The following TNK2 variants were observed in gnomAD, a reference collection of about 807,000 sequenced individuals.
TNK2 encodes the protein tyrosine kinase non receptor 2.
Under a neutral mutation model 101.8 loss-of-function variants are expected in TNK2, and 83 were observed. The ratio of observed to expected loss-of-function variants is 0.82; its 90% CI spans 0.68 to 0.98. The LOEUF (loss-of-function observed/expected upper bound fraction) is 0.98, where lower values mean the gene tolerates loss of function less well. TNK2 is among the 50% of genes least tolerant of loss of function. TNK2 has a pLI of 0.00. For missense variants in TNK2, 1,665 were observed against 1,483.2 expected, an observed-to-expected ratio of 1.12 and a Z score of -2.01; for synonymous variants, 804 against 633.0, an observed-to-expected ratio of 1.27 and a Z score of -4.06.
rs1015547963 is a variant in TNK2, at chr3:195,867,433, A to G, written c.2865T>C (p.Thr955=). 6.9e-6 allele frequency: 11 copies of G among 1,599,208 alleles called. No individual in the cohort carries two copies. The highest frequency in any genetic ancestry group is 9.3e-6 in the Non-Finnish European group (11 of 1,177,602). ...PGARPPPPRA[T]ARLPQRGCPG... is the part of the protein sequence containing the mutation. ...GGCAGCCCCTCTGTGGCAGCCGAGC[A>G]GTGGCCCTCGGGGGTGGTGGCCGGG... Residue 955 remains threonine, a synonymous_variant, in exon 13 of 16, where the codon ACT becomes ACC. Coordinates refer to ENST00000672887, the MANE Select transcript of TNK2 (RefSeq NM_001382273.1).
intron 1 of TNK2, among the ~76,000 whole-genome samples, chr3:195,897,564 C>A (rs528255633): frequency 2.0e-5 from 3 of 152,182 alleles, no homozygotes; most frequent in African/African-American, 7.2e-5. Context: ...TGCAGTGGTG[C>A]GATCTTGGCT....
chr3:195,890,195 C>T (rs929295896), intron 1 of TNK2, among the ~76,000 whole-genome samples: 2 of 152,208 alleles, frequency 1.3e-5, no homozygotes, highest in South Asian at 2.1e-4. Context: ...AAAGCTGTAA[C>T]CCTTTACTGG....
chr3:195,884,927 A>AGGGGCCCCTCCCCTGCT lies in TNK2; in HGVS notation c.324_340dup (p.Leu114GlnfsTer46). ...CCCAATGAGGCAGGTGAGGCTCTGC[A>AGGGGCCCCTCCCCTGCT]GGGGCCCCTCCCCTGCTGGGCCCCC... On this transcript the variant is annotated frameshift_variant, in exon 4 of 16. Coordinates refer to ENST00000672887, the MANE Select transcript of TNK2 (RefSeq NM_001382273.1). LOFTEE classifies it high-confidence loss of function. 35 of 1,614,056 alleles carry AGGGGCCCCTCCCCTGCT rather than the reference A, an allele frequency of 2.2e-5. No homozygotes were observed. The highest frequency in any genetic ancestry group is 3.0e-5 in the Non-Finnish European group (35 of 1,179,982).
intron 1 of TNK2, among the ~76,000 whole-genome samples, chr3:195,902,916 A>G (rs1761365027): frequency 6.6e-6 from 1 of 151,610 alleles, no homozygotes; most frequent in African/African-American, 2.4e-5. Context: ...CACCCGGCTA[A>G]TTTTTGTATT....
In TNK2 at chr3:195,888,743, G is replaced by C; in HGVS notation, c.-18-137C>G. On this transcript the variant is annotated intron_variant, in intron 1 of 15. Transcript: ENST00000672887. This position sits in a 1 kb window ranked among gnomAD's most constrained non-coding sequence, Gnocchi z 5.3. Reference sequence around the variant, plus strand: ...CACCACCTTCTGACTCCCGAGGGAAGCTACCGAGAACCGCCTGGACCCACG... The same window carrying C: ...CACCACCTTCTGACTCCCGAGGGAACCTACCGAGAACCGCCTGGACCCACG... The C allele has an allele frequency of 1.2e-6, 1 of 856,992 alleles. No individual in the cohort carries two copies. Among genetic ancestry groups the C allele is most frequent in the Non-Finnish European group, 1.7e-6 (1 of 575,652 alleles). The allele number at this position is 856,992 out of a possible 1,614,324, so 53.1% of individuals were successfully genotyped here. A position where few individuals can be genotyped will look rare whatever the true frequency, so the allele number is the denominator to read the frequency against.
intron 9 of TNK2, among the ~76,000 whole-genome samples, chr3:195,873,702 G>A (rs908765329): frequency 1.3e-5 from 2 of 152,206 alleles, no homozygotes; most frequent in Admixed American, 6.5e-5. Flanking sequence ...AGGTGGCGAC[G>A]CCTGGGCACC....
intron 1 of TNK2, among the ~76,000 whole-genome samples, chr3:195,889,834 C>G (rs949449358): frequency 6.6e-6 from 1 of 152,200 alleles, no homozygotes; most frequent in Non-Finnish European, 1.5e-5. Context: ...CAGGCTAGCC[C>G]CGGACCCATG....
At chr3:195,864,240 G>A (rs112403128) in intron 15 of TNK2, 53 bp from the exon 16 acceptor site, 76 of 1,612,266 alleles carry the variant, frequency 4.7e-5, no homozygotes, top group African/African-American at 3.3e-4. Context: ...AAGGTTCAGC[G>A]GGGCAGGCAC....
At chr3:195,898,322 T>C (rs772334562) in intron 1 of TNK2, among the ~76,000 whole-genome samples, 2 of 152,140 alleles carry the variant, frequency 1.3e-5, no homozygotes, top group Non-Finnish European at 2.9e-5. Context: ...TCCATCACGC[T>C]CCAGCTGGGC....
chr3:195,885,550 A>C lies in TNK2; in HGVS notation c.235-517T>G, dbSNP rs1577078658. The C allele has an allele frequency of 3.9e-6, 5 of 1,291,086 alleles. No homozygotes were observed. Among genetic ancestry groups the C allele is most frequent in the Non-Finnish European group, 4.0e-6 (4 of 989,812 alleles). 80.0% of individuals were successfully genotyped at this position (1,291,086 alleles called of 1,614,324 possible). A position where few individuals can be genotyped will look rare whatever the true frequency, so the allele number is the denominator to read the frequency against. ...GAGTCGGCTGCCCTTCATCCTGCCC[A>C]GGGGAGAGGATAATTTTAGTCTGAG... On this transcript the variant is annotated intron_variant, in intron 3 of 15. Transcript: ENST00000672887. The surrounding 1 kb of genome is among the most constrained non-coding windows in gnomAD (Gnocchi z 4.7).
chr3:195,889,821 G>A (rs1328460801), intron 1 of TNK2, among the ~76,000 whole-genome samples: 5 of 152,228 alleles, frequency 3.3e-5, no homozygotes, highest in Non-Finnish European at 7.3e-5. Flanking sequence ...CTGAGGGCGT[G>A]GCCAGGCTAG....
rs752177519 is a variant in TNK2, at chr3:195,882,115, G to A, written c.823C>T (p.Arg275Ter). 3.7e-6 allele frequency: 6 copies of A among 1,613,664 alleles called. No individual in the cohort carries two copies. Among genetic ancestry groups the A allele is most frequent in the African/African-American group, 2.7e-5 (2 of 74,918 alleles). The change falls in exon 6 of 16, where the codon CGA becomes TGA. Residue 275 changes from arginine to a stop codon, truncating the protein, a stop_gained. Transcript: ENST00000672887. LOFTEE classifies it high-confidence loss of function. The surrounding 1 kb of genome is among the most constrained non-coding windows in gnomAD (Gnocchi z 4.2). ...LVKIGDFGLM[R>*]ALPQNDDHYV... ...TGGTCGTCATTCTGAGGTAGTGCTC[G>A]CATCAGCCCAAAGTCCCCGATCTTG...
Position 195,863,688 on chromosome 3 carries a change from G to A in TNK2, c.*493C>T, listed in dbSNP as rs572514378. On this transcript the variant is annotated 3_prime_UTR_variant, in exon 16 of 16. Transcript: ENST00000672887. ...TAAGGCCACAAGTCACATTCTGCCC[G>A]ACACCCCAGCTGCTGCCAGGGGCCC... is the stretch of plus-strand genomic sequence containing the variant. The A allele has an allele frequency of 2.5e-5, 4 of 157,522 alleles. No homozygotes were observed. The highest frequency in any genetic ancestry group is 1.3e-4 in the Admixed American group (2 of 15,522). 9.8% of individuals were successfully genotyped at this position (157,522 alleles called of 1,614,324 possible). A position where few individuals can be genotyped will look rare whatever the true frequency, so the allele number is the denominator to read the frequency against.
At chr3:195,874,576 A>AACTCCCCCTCGGGATGGCGCCCACGCAC (rs1747861957) in intron 9 of TNK2, among the ~76,000 whole-genome samples, 1 of 126,072 alleles carries the variant, frequency 7.9e-6, no homozygotes, top group African/African-American at 3.3e-5. Flanking sequence ...AGGCACAAGA[A>AACTCCCCCTCGGGATGGCGCCCACGCAC]GCTCCCCCTC....
At chr3:195,880,718 AC>A (rs1173040587) in intron 6 of TNK2, among the ~76,000 whole-genome samples, 1 of 44,614 alleles carries the variant, frequency 2.2e-5, no homozygotes, top group African/African-American at 1.1e-4. Context: ...TCCCTGTAAC[AC>A]CCCCCCAGCA....
In TNK2 at chr3:195,868,256, C is replaced by A; in HGVS notation, c.2042G>T (p.Gly681Val). ...GAGVPAGPSQ[G>V]QTNYAFVPEQ... is the part of the protein sequence containing the mutation. ...AGGCACAAAGGCGTAGTTGGTCTGG[C>A]CCTGGCTGGGCCCGGCAGGGACCCC... Residue 681 changes from glycine (G) to valine (V), a missense_variant, in exon 13 of 16, where the codon GGC (glycine) becomes GTC (valine). This residue lies in a region of TNK2 where 1,136 missense variants were observed against 894.9 expected (regional missense o/e 1.27). Coordinates refer to ENST00000672887, the MANE Select transcript of TNK2 (RefSeq NM_001382273.1). The A allele has an allele frequency of 6.2e-7, 1 of 1,604,892 alleles. No homozygotes were observed. Among genetic ancestry groups the A allele is most frequent in the Non-Finnish European group, 8.5e-7 (1 of 1,179,538 alleles).
intron 1 of TNK2, chr3:195,895,477 C>A: frequency 7.3e-7 from 1 of 1,369,882 alleles, no homozygotes; most frequent in Admixed American, 3.9e-5. Flanking sequence ...CGCCATCGGC[C>A]GGCGGCCGGG....
At chr3:195,887,189 G>A (rs769336491) in intron 2 of TNK2, 142 bp from the exon 3 acceptor site, 278 of 796,564 alleles carry the variant, frequency 3.5e-4, no homozygotes, top group Non-Finnish European at 4.8e-4. Flanking sequence ...CAACTAACCC[G>A]GAGCCTCAAC....
intron 1 of TNK2, among the ~76,000 whole-genome samples, chr3:195,904,647 C>T (rs931170465): frequency 4.9e-4 from 74 of 152,258 alleles, no homozygotes; most frequent in African/African-American, 1.8e-3. Flanking sequence ...TATTTACCAC[C>T]ACTGCAGATG....
Sources: gnomAD v4.1 joint callset for allele counts (sites outside exome capture counted in the v4.1 genomes callset) on GRCh38, gnomAD v4.1.1 for gene constraint, gnomAD v4.1.1 regional missense constraint, Gnocchi (gnomAD v3.1) non-coding constraint, MANE v1.5 for transcripts, NCBI Gene and HGNC (gene_info 2026-07-23, HGNC 2026-07-21) for gene names.